AVEN: variants seen among roughly 807,000 people sequenced by gnomAD.
AVEN encodes the protein cell death regulator Aven.
AVEN carries 41 observed loss-of-function variants against 38.1 expected under a neutral mutation model. The ratio of observed to expected loss-of-function variants is 1.08; its 90% CI spans 0.84 to 1.40. The LOEUF is 1.40. AVEN is among the 40% of genes most tolerant of loss of function. The pLI, the probability that AVEN is intolerant of heterozygous loss-of-function variation, is 0.00. For missense variants in AVEN, 605 were observed against 438.8 expected (o/e 1.38, Z -3.38); for synonymous variants, 206 against 171.8 (o/e 1.20, Z -1.56).
intron 2 of AVEN, among the ~76,000 whole-genome samples, chr15:34,001,955 A>G (rs913005387): frequency 6.6e-6 from 1 of 152,202 alleles, no homozygotes; most frequent in East Asian, 1.9e-4. Context: ...TGCTTCTCAC[A>G]TCTGCATCCT....
intron 2 of AVEN, among the ~76,000 whole-genome samples, chr15:33,968,004 T>A (rs1235843331): frequency 6.9e-6 from 1 of 143,892 alleles, no homozygotes; most frequent in East Asian, 2.1e-4. Flanking sequence ...ACTCTTTCTA[T>A]CTCAAAGACT....
downstream of AVEN, chr15:33,865,284 C>CT (rs199510911): frequency 8.0e-6 from 10 of 1,245,500 alleles, no homozygotes; most frequent in Middle Eastern, 1.9e-4. Context: ...AAATAAAGTC[C>CT]CCTTTTTACA....
At chr15:34,071,272 G>A (rs1464672598) in intron 1 of AVEN, among the ~76,000 whole-genome samples, 1 of 152,060 alleles carries the variant, frequency 6.6e-6, no homozygotes, top group Non-Finnish European at 1.5e-5. Context: ...TAGCTAGGGA[G>A]TTGCTGCTTA....
chr15:33,864,437 T>C (rs1889714055), downstream of AVEN, among the ~76,000 whole-genome samples: 1 of 151,106 alleles, frequency 6.6e-6, no homozygotes, highest in Non-Finnish European at 1.5e-5. Flanking sequence ...GGGGAGAACA[T>C]TACAGAGACA....
chr15:33,900,608 A>C (rs1892452478), intron 2 of AVEN, among the ~76,000 whole-genome samples: 1 of 131,230 alleles, frequency 7.6e-6, no homozygotes, highest in Non-Finnish European at 1.7e-5. Flanking sequence ...TGCCTAGCCA[A>C]TTTAGTAATT....
intron 1 of AVEN, among the ~76,000 whole-genome samples, chr15:34,016,754 T>C (rs887611390): frequency 3.9e-5 from 6 of 152,138 alleles, no homozygotes; most frequent in Admixed American, 3.3e-4. Flanking sequence ...AACCGTTTGG[T>C]CAAAAACAAA....
chr15:33,974,114 T>C (rs542167629), intron 2 of AVEN, among the ~76,000 whole-genome samples: 17 of 152,314 alleles, frequency 1.1e-4, no homozygotes, highest in African/African-American at 4.1e-4. Flanking sequence ...CTATTTGACA[T>C]ATGGAAATCA....
chr15:34,028,056 C>T (rs1898576964), intron 1 of AVEN, among the ~76,000 whole-genome samples: 1 of 152,100 alleles, frequency 6.6e-6, no homozygotes, highest in East Asian at 1.9e-4. Flanking sequence ...GTGTAAATTT[C>T]CTAGCAGAGC....
At chr15:34,039,790 G>A (rs563289631), upstream of AVEN, among the ~76,000 whole-genome samples, 3 of 152,314 alleles carry the variant, frequency 2.0e-5, no homozygotes, top group South Asian at 6.2e-4. Flanking sequence ...AGGTAGGGAT[G>A]ACTGTCATCC....
At chr15:33,979,022 CT>C (rs1225802829) in intron 2 of AVEN, among the ~76,000 whole-genome samples, 1 of 152,122 alleles carries the variant, frequency 6.6e-6, no homozygotes, top group Non-Finnish European at 1.5e-5. Flanking sequence ...CTCCAGGTTT[CT>C]TTTTCATCCT....
chr15:33,955,532 C>G (rs1320871793), intron 2 of AVEN, among the ~76,000 whole-genome samples: 3 of 152,100 alleles, frequency 2.0e-5, no homozygotes, highest in African/African-American at 7.2e-5. Flanking sequence ...ATCTATTTAC[C>G]TCCAATACTA....
chr15:34,046,972 C>T (rs1376318621), intron 5 of AVEN: 1 of 152,304 alleles, frequency 6.6e-6, no homozygotes, highest in Admixed American at 6.5e-5. Context: ...GCCAGCAGAG[C>T]CTTAGGTCCA....
chr15:33,898,954 C>T (rs1414670618), intron 2 of AVEN, among the ~76,000 whole-genome samples: 2 of 151,902 alleles, frequency 1.3e-5, no homozygotes, highest in African/African-American at 2.4e-5. Flanking sequence ...TAGGACATTC[C>T]GAGTAAAGGG....
At chr15:33,917,957 AAATAG>A (rs987722816) in intron 2 of AVEN, among the ~76,000 whole-genome samples, 3 of 152,236 alleles carry the variant, frequency 2.0e-5, no homozygotes, top group African/African-American at 7.2e-5. Context: ...AAATTTATTG[AAATAG>A]AAAAGAAAAA....
At position 34,059,410 on chromosome 15, in the gene AVEN, C is replaced by G. The variant is rs1413923180; in HGVS notation, n.1637+3512G>C. Among the ~76,000 whole-genome samples the G allele has an allele frequency of 3.3e-5, 5 of 152,176 alleles. No individual in the cohort carries two copies. In the South Asian group the frequency reaches 1.0e-3, roughly 32 times the overall value. On this transcript the variant is annotated intron_variant and non_coding_transcript_variant, in intron 5 of 11. Transcript: ENST00000675287. ...GAAAAAATTCAGCAAGCGGTCAGAT[C>G]ATTTTACTACTTCTCTCCGGACTAA... is the stretch of plus-strand genomic sequence containing the variant.
intron 2 of AVEN, among the ~76,000 whole-genome samples, chr15:33,902,612 T>C (rs78974007): frequency 0.014 from 2,140 of 152,298 alleles, 23 homozygotes; most frequent in South Asian, 0.033. Flanking sequence ...TCCAAATCAA[T>C]GCCTTTATCT....
At chr15:33,882,097 A>G (rs2153038136) in intron 2 of AVEN, among the ~76,000 whole-genome samples, 1 of 152,308 alleles carries the variant, frequency 6.6e-6, no homozygotes, top group African/African-American at 2.4e-5. Context: ...TGTCTGACTT[A>G]CAGAATATTG....
chr15:33,978,925 A>G (rs1254692137), intron 2 of AVEN, among the ~76,000 whole-genome samples: 2 of 57,774 alleles, frequency 3.5e-5, no homozygotes, highest in African/African-American at 5.5e-5. Flanking sequence ...ATGTATGTCC[A>G]TGCCAGGCAA....
intron 2 of AVEN, among the ~76,000 whole-genome samples, chr15:33,982,211 T>C (rs1013066122): frequency 1.1e-4 from 16 of 152,176 alleles, no homozygotes; most frequent in South Asian, 6.2e-4. Flanking sequence ...CCTACATCTC[T>C]GCAGATGTAG....
Sources: allele counts gnomAD v4.1 joint callset (sites outside exome capture counted in the v4.1 genomes callset), GRCh38; gene constraint gnomAD v4.1.1; transcripts MANE v1.5; gene names NCBI Gene and HGNC (gene_info 2026-07-23, HGNC 2026-07-21).